The following NCAM1 variants were observed in gnomAD, a reference collection of about 807,000 sequenced individuals.
NCAM1 encodes antigen recognized by monoclonal antibody 5.1H11.
NCAM1 carries 14 observed loss-of-function variants against 109.8 expected under a neutral mutation model. That is an observed-to-expected ratio of 0.13 (90% CI 0.08 to 0.20). The LOEUF is 0.20. Ranked by LOEUF, NCAM1 falls within the 10% of genes least tolerant of loss-of-function variation. NCAM1 has a pLI of 1.00. For missense variants in NCAM1, 774 were observed against 1,109.9 expected (o/e 0.70, Z 4.30); for synonymous variants, 418 against 442.9 (o/e 0.94, Z 0.70).
At chr11:113,116,433 A>G (rs1555094884) in intron 1 of NCAM1, among the ~76,000 whole-genome samples, 1 of 152,224 alleles carries the variant, frequency 6.6e-6, no homozygotes, top group African/African-American at 2.4e-5. Context: ...AAGCCGCTAG[A>G]GAAATGACAG....
chr11:113,253,647 C>A (rs1225236847), intron 15 of NCAM1, among the ~76,000 whole-genome samples: 1 of 152,164 alleles, frequency 6.6e-6, no homozygotes, highest in Non-Finnish European at 1.5e-5. Context: ...TAGGAACGTG[C>A]AGCCAGGGAG....
At chr11:113,178,291 A>G (rs1943230022) in intron 1 of NCAM1, among the ~76,000 whole-genome samples, 1 of 152,124 alleles carries the variant, frequency 6.6e-6, no homozygotes, top group Admixed American at 6.5e-5. Context: ...AGAGTAAAAT[A>G]ACTAAGGATG....
intron 9 of NCAM1, chr11:113,231,076 GT>G (rs1395141867): frequency 2.1e-6 from 2 of 974,574 alleles, no homozygotes; most frequent in Non-Finnish European, 3.0e-6. Flanking sequence ...TCTTTGAGTT[GT>G]TTGGCTTGTT....
At position 112,963,364 on chromosome 11, in the gene NCAM1, A is replaced by C. The variant is rs1223039891; in HGVS notation, c.52+1700A>C. 1 of 152,168 alleles carries C rather than the reference A, an allele frequency of 6.6e-6. No homozygotes were observed. Among genetic ancestry groups the C allele is most frequent in the Non-Finnish European group, 1.5e-5 (1 of 68,124 alleles). The allele number at this position is 152,168 out of a possible 1,614,324, so 9.4% of individuals were successfully genotyped here. On this transcript the variant is annotated intron_variant, in intron 1 of 19. Transcript: ENST00000316851. The surrounding 1 kb of genome is among the most constrained non-coding windows in gnomAD (Gnocchi z 4.6). ...CTTTCACGCCGACTTGGAGCATCCC[A>C]CCGCCCCCGCCAGCGCTCACTCTCG...
At chr11:113,243,890 G>T (rs954617424) in intron 14 of NCAM1, 12 of 183,998 alleles carry the variant, frequency 6.5e-5, no homozygotes, top group African/African-American at 2.6e-4. Flanking sequence ...GCATGAAATG[G>T]TTCTTTTTTT....
intron 9 of NCAM1, among the ~76,000 whole-genome samples, chr11:113,222,336 G>A (rs868922201): frequency 6.6e-6 from 1 of 152,190 alleles, no homozygotes; most frequent in Non-Finnish European, 1.5e-5. Context: ...AAGTGTTCAG[G>A]TCAAGGCTAT....
At chr11:113,181,166 C>T (rs931264106) in intron 1 of NCAM1, among the ~76,000 whole-genome samples, 6 of 152,202 alleles carry the variant, frequency 3.9e-5, no homozygotes, top group Non-Finnish European at 8.8e-5. Context: ...TAATTTGCTA[C>T]TGATTTTAAG....
intron 1 of NCAM1, among the ~76,000 whole-genome samples, chr11:113,029,310 T>TTGAA (rs2135326381): frequency 6.6e-6 from 1 of 152,314 alleles, no homozygotes; most frequent in East Asian, 1.9e-4. Flanking sequence ...AAATATTCCA[T>TTGAA]TGAATGAATA....
At chr11:113,153,413 G>T (rs1942299464) in intron 1 of NCAM1, among the ~76,000 whole-genome samples, 1 of 151,840 alleles carries the variant, frequency 6.6e-6, no homozygotes, top group South Asian at 2.1e-4. Context: ...AGTTGTTACT[G>T]GGATTTGGCA....
intron 1 of NCAM1, among the ~76,000 whole-genome samples, chr11:113,050,958 A>G (rs915082503): frequency 5.3e-5 from 8 of 152,188 alleles, no homozygotes; most frequent in South Asian, 2.1e-4. Flanking sequence ...ATATTGTTCA[A>G]TTTGGTTCTT....
chr11:113,110,576 G>A (rs574572210), intron 1 of NCAM1, among the ~76,000 whole-genome samples: 12 of 152,130 alleles, frequency 7.9e-5, no homozygotes, highest in African/African-American at 1.9e-4. Flanking sequence ...CTAAAGGATC[G>A]CTGGGTTCTA....
chr11:112,998,005 T>A (rs1309855136), intron 1 of NCAM1, among the ~76,000 whole-genome samples: 2 of 152,154 alleles, frequency 1.3e-5, no homozygotes, highest in Non-Finnish European at 2.9e-5. Flanking sequence ...GGGAAGGAAG[T>A]ACCAGTTCAG....
chr11:113,138,725 C>T (rs1204992427), intron 1 of NCAM1, among the ~76,000 whole-genome samples: 1 of 152,116 alleles, frequency 6.6e-6, no homozygotes, highest in South Asian at 2.1e-4. Context: ...TAAAAAATGA[C>T]CTGCTTTCTT....
intron 1 of NCAM1, among the ~76,000 whole-genome samples, chr11:113,174,782 G>A (rs1036959406): frequency 4.6e-5 from 7 of 152,194 alleles, no homozygotes; most frequent in Admixed American, 2.0e-4. Context: ...TGAAGAGCAG[G>A]AAGCAACATG....
chr11:113,095,969 T>C (rs941949701), intron 1 of NCAM1, among the ~76,000 whole-genome samples: 1 of 152,198 alleles, frequency 6.6e-6, no homozygotes, highest in Non-Finnish European at 1.5e-5. Flanking sequence ...TAGTATAATG[T>C]CTGAGACAGG....
intron 14 of NCAM1, chr11:113,240,707 G>A: frequency 1.4e-6 from 2 of 1,379,366 alleles, no homozygotes; most frequent in South Asian, 2.3e-5. Context: ...CCCCAGGGTT[G>A]TTGCTTCCAT....
At chr11:113,026,320 A>T (rs1290446206) in intron 1 of NCAM1, among the ~76,000 whole-genome samples, 5 of 152,180 alleles carry the variant, frequency 3.3e-5, no homozygotes, top group African/African-American at 9.7e-5. Flanking sequence ...TGGACCTAGA[A>T]TGAAGTTAAC....
intron 1 of NCAM1, among the ~76,000 whole-genome samples, chr11:113,182,966 A>G (rs1943379324): frequency 6.6e-6 from 1 of 152,234 alleles, no homozygotes; most frequent in South Asian, 2.1e-4. Context: ...GCCCTGGAAG[A>G]AAAATGAGAA....
At chr11:113,262,959 G>A in intron 17 of NCAM1, 2 of 1,603,082 alleles carry the variant, frequency 1.2e-6, no homozygotes, top group East Asian at 4.5e-5. Context: ...TTGCTTAAAA[G>A]CCCAGTTCCT....
Sources: allele counts gnomAD v4.1 joint callset (sites outside exome capture counted in the v4.1 genomes callset), GRCh38; gene constraint gnomAD v4.1.1; non-coding constraint Gnocchi (gnomAD v3.1); transcripts MANE v1.5; gene names NCBI Gene and HGNC (gene_info 2026-07-23, HGNC 2026-07-21).